The following BLZF1 variants were observed in gnomAD, a reference collection of about 807,000 sequenced individuals.
BLZF1 encodes basic leucine zipper nuclear factor 1.
Under a neutral mutation model 43.8 loss-of-function variants are expected in BLZF1, and 39 were observed. The observed-to-expected ratio is 0.89, with a 90% CI of 0.69 to 1.16. The LOEUF is 1.16. Among genes scored for constraint, BLZF1 ranks in the 50% most tolerant of loss-of-function variants. The probability of loss-of-function intolerance (pLI) is 0.00; values close to 1 mark genes in which losing one functional copy is unlikely to be tolerated. For synonymous variants in BLZF1, 136 were observed against 159.4 expected, an observed-to-expected ratio of 0.85 and a Z score of 1.11; for missense variants, 449 against 469.8, an observed-to-expected ratio of 0.96 and a Z score of 0.41.
At chr1:169,380,388 C>A in intron 4 of BLZF1, 93 bp from the exon 5 acceptor site, 2 of 1,194,260 alleles carry the variant, frequency 1.7e-6, no homozygotes, top group South Asian at 1.9e-5. Flanking sequence ...TCTTTGTTAG[C>A]TTCTGAAAGT....
downstream of BLZF1, among the ~76,000 whole-genome samples, chr1:169,392,426 G>T (rs1473279073): frequency 4.6e-5 from 7 of 152,230 alleles, no homozygotes; most frequent in South Asian, 1.0e-3. Context: ...TAGAATTGAG[G>T]CTTCAGAAAT....
At chr1:169,389,176 C>T (rs773895823), downstream of BLZF1, among the ~76,000 whole-genome samples, 28 of 150,804 alleles carry the variant, frequency 1.9e-4, no homozygotes, top group Non-Finnish European at 3.1e-4. Flanking sequence ...CGCCTGTATA[C>T]CCAGCTACTG....
chr1:169,380,626 C>A lies in BLZF1; in HGVS notation c.797+17C>A, dbSNP rs1022174828. 1.2e-6 allele frequency: 2 copies of A among 1,609,822 alleles called. No homozygotes were observed. The highest frequency in any genetic ancestry group is 2.7e-5 in the African/African-American group (2 of 74,836). On this transcript the variant is annotated intron_variant, in intron 5 of 6. Transcript: ENST00000367808. ...TACCCAGAAGTATGGCACTTGTTTA[C>A]ATTCTGAACTCTTCTGCTTTCTCCT...
downstream of BLZF1, among the ~76,000 whole-genome samples, chr1:169,389,534 T>G (rs1654766807): frequency 6.6e-6 from 1 of 152,194 alleles, no homozygotes; most frequent in African/African-American, 2.4e-5. Flanking sequence ...ATGTAAAATG[T>G]TGAAAACAGT....
chr1:169,370,578 T>A (rs919271275), intron 2 of BLZF1, among the ~76,000 whole-genome samples: 5 of 152,216 alleles, frequency 3.3e-5, no homozygotes, highest in Admixed American at 6.5e-5. Flanking sequence ...AAATTAAAAA[T>A]TCAGTTTCTC....
intron 6 of BLZF1, among the ~76,000 whole-genome samples, chr1:169,384,726 C>T (rs186760942): frequency 6.6e-6 from 1 of 152,294 alleles, no homozygotes; most frequent in Non-Finnish European, 1.5e-5. Context: ...TAAGAACCTG[C>T]CTTCTCTGAA....
At chr1:169,371,060 A>G (rs915350362) in intron 2 of BLZF1, among the ~76,000 whole-genome samples, 1 of 152,162 alleles carries the variant, frequency 6.6e-6, no homozygotes, top group South Asian at 2.1e-4. Context: ...CTCTAAAAGC[A>G]GGTTGAAATA....
downstream of BLZF1, among the ~76,000 whole-genome samples, chr1:169,388,477 T>C (rs1469516934): frequency 6.6e-6 from 1 of 152,196 alleles, no homozygotes; most frequent in Non-Finnish European, 1.5e-5. Flanking sequence ...CAATGATTTC[T>C]TGAATATGAC....
At chr1:169,381,691 G>A (rs1402269577) in intron 5 of BLZF1, among the ~76,000 whole-genome samples, 1 of 152,112 alleles carries the variant, frequency 6.6e-6, no homozygotes, top group Non-Finnish European at 1.5e-5. Flanking sequence ...ACCAAGTAAA[G>A]TGAATCCCAG....
chr1:169,371,002 T>C (rs1406977122), intron 2 of BLZF1, among the ~76,000 whole-genome samples: 1 of 152,140 alleles, frequency 6.6e-6, no homozygotes, highest in Non-Finnish European at 1.5e-5. Context: ...GGAAAACTGT[T>C]TTCTAGATGC....
chr1:169,378,477 G>C lies in BLZF1; in HGVS notation c.616G>C (p.Glu206Gln). The C allele has an allele frequency of 6.2e-7, 1 of 1,612,918 alleles. No homozygotes were observed. Among genetic ancestry groups the C allele is most frequent in the Non-Finnish European group, 8.5e-7 (1 of 1,179,130 alleles). ...RNTAQLSEQL[E>Q]RMSIQCDVWR... is the part of the protein sequence containing the mutation. The stretch of plus-strand genomic sequence containing the variant: ...CACAGCTCAGCTTTCTGAACAGTTA[G>C]AACGTATGTCAATACAGTGTGATGT... Residue 206 changes from glutamate (E) to glutamine (Q), a missense_variant, in exon 4 of 7, where the codon GAA becomes CAA. By Grantham distance (29) the Glu-to-Gln change is conservative. Coordinates refer to ENST00000367808, the MANE Select transcript of BLZF1 (RefSeq NM_001320973.2).
rs199662568 is a variant in BLZF1, at chr1:169,382,981, AT to A, written c.1017+707del. Among the ~76,000 whole-genome samples the A allele has an allele frequency of 6.2e-3, 948 of 151,954 alleles. 10 individuals are homozygous for A. Among genetic ancestry groups the A allele is most frequent in the African/African-American group, 0.022 (893 of 41,410 alleles). On this transcript the variant is annotated intron_variant, in intron 6 of 6. Transcript: ENST00000367808. ...TTGTTTTTATTCCCTTGGTCCCTATATTTTTTTATGTATCTCATCAGCTCAC... is the reference window on the plus strand; with the variant it reads ...TTGTTTTTATTCCCTTGGTCCCTATATTTTTTATGTATCTCATCAGCTCAC...
chr1:169,389,995 T>C (rs781489752), downstream of BLZF1, among the ~76,000 whole-genome samples: 21 of 152,154 alleles, frequency 1.4e-4, no homozygotes, highest in Non-Finnish European at 2.6e-4. Flanking sequence ...GAGATTGGGA[T>C]GACAAAAATG....
chr1:169,385,840 C>T (rs1488315775), intron 6 of BLZF1, among the ~76,000 whole-genome samples: 1 of 152,148 alleles, frequency 6.6e-6, no homozygotes, highest in Non-Finnish European at 1.5e-5. Flanking sequence ...TGCAGGACCA[C>T]ATGACCGCTA....
intron 2 of BLZF1, among the ~76,000 whole-genome samples, chr1:169,371,072 G>A (rs1654104590): frequency 6.6e-6 from 1 of 152,092 alleles, no homozygotes; most frequent in Admixed American, 6.5e-5. Context: ...GTTGAAATAA[G>A]TTTAAGAAAC....
intron 6 of BLZF1, among the ~76,000 whole-genome samples, chr1:169,386,781 A>T (rs1227029131): frequency 2.0e-5 from 3 of 151,812 alleles, no homozygotes; most frequent in South Asian, 2.1e-4. Context: ...TATTTAAAAA[A>T]ATATGTAACC....
chr1:169,368,733 C>G (rs980738208), intron 1 of BLZF1, among the ~76,000 whole-genome samples: 4 of 152,054 alleles, frequency 2.6e-5, no homozygotes, highest in African/African-American at 9.7e-5. Context: ...AAGTTTGTGA[C>G]TGTTAAGAAA....
intron 4 of BLZF1, among the ~76,000 whole-genome samples, chr1:169,380,134 G>T (rs958587731): frequency 6.6e-6 from 1 of 151,736 alleles, no homozygotes. Flanking sequence ...AGTTTTGTTT[G>T]TCTCTTTAAG....
intron 3 of BLZF1, among the ~76,000 whole-genome samples, chr1:169,377,978 T>C (rs776077673): frequency 3.9e-5 from 6 of 152,044 alleles, no homozygotes; most frequent in Non-Finnish European, 8.8e-5. Flanking sequence ...ATAAAAAACA[T>C]AAAACATTCT....
Sources: gnomAD v4.1 joint callset for allele counts (sites outside exome capture counted in the v4.1 genomes callset) on GRCh38, gnomAD v4.1.1 for gene constraint, MANE v1.5 for transcripts, NCBI Gene and HGNC (gene_info 2026-07-23, HGNC 2026-07-21) for gene names.